MIPEP: variants seen among roughly 807,000 people sequenced by gnomAD.
The protein encoded by MIPEP is mitochondrial intermediate peptidase.
A neutral mutation model predicts 90.3 loss-of-function variants in MIPEP; 79 were observed. The ratio of observed to expected loss-of-function variants is 0.87; its 90% confidence interval spans 0.73 to 1.05. The LOEUF (loss-of-function observed/expected upper bound fraction) is 1.05. MIPEP is among the 50% of genes least tolerant of loss of function. MIPEP has a pLI of 0.00. For missense variants in MIPEP, 940 were observed against 905.6 expected, an observed-to-expected ratio of 1.04 and a Z score of -0.49; for synonymous variants, 334 against 315.8, an observed-to-expected ratio of 1.06 and a Z score of -0.61.
At chr13:23,876,604 T>C (rs1871083519) in intron 4 of MIPEP, among the ~76,000 whole-genome samples, 1 of 152,150 alleles carries the variant, frequency 6.6e-6, no homozygotes, top group African/African-American at 2.4e-5. Context: ...TTTTTGTTCT[T>C]CTTTTTTTAA....
intron 1 of MIPEP, 94 bp downstream of exon 1, chr13:23,889,038 G>A (rs187130451): frequency 1.0e-5 from 12 of 1,195,742 alleles, no homozygotes; most frequent in African/African-American, 9.6e-5. Context: ...CCTCCTCCCA[G>A]GCCCAAACAA....
At chr13:23,752,302 G>A (rs1952450203) in intron 18 of MIPEP, among the ~76,000 whole-genome samples, 1 of 152,198 alleles carries the variant, frequency 6.6e-6, no homozygotes, top group Non-Finnish European at 1.5e-5. Context: ...AACTGCTGAA[G>A]TAATATAGTT....
intron 16 of MIPEP, among the ~76,000 whole-genome samples, chr13:23,782,833 C>T (rs1033927958): frequency 1.8e-4 from 28 of 151,834 alleles, no homozygotes; most frequent in Non-Finnish European, 2.4e-4. Flanking sequence ...AACACCTCTA[C>T]GCAAATAAAC....
At chr13:23,745,386 A>T (rs1243600054) in intron 18 of MIPEP, among the ~76,000 whole-genome samples, 1 of 152,224 alleles carries the variant, frequency 6.6e-6, no homozygotes, top group Admixed American at 6.5e-5. Context: ...TCTTTCAGGA[A>T]ACAGTCCAGT....
chr13:23,754,064 A>C (rs187155783), intron 18 of MIPEP, among the ~76,000 whole-genome samples: 29 of 152,326 alleles, frequency 1.9e-4, no homozygotes, highest in Admixed American at 1.6e-3. Flanking sequence ...AGTTAAACAA[A>C]AATATATAAG....
intron 16 of MIPEP, among the ~76,000 whole-genome samples, chr13:23,801,038 G>C (rs1046360944): frequency 6.6e-6 from 1 of 152,132 alleles, no homozygotes. Context: ...ACCTAAATTT[G>C]TATCAACTCC....
intron 16 of MIPEP, among the ~76,000 whole-genome samples, chr13:23,779,577 G>C (rs1952755832): frequency 6.6e-6 from 1 of 152,110 alleles, no homozygotes; most frequent in Non-Finnish European, 1.5e-5. Context: ...GAGGTACTAG[G>C]ATCATCTCAC....
chr13:23,746,293 C>T (rs1383836684), intron 18 of MIPEP, among the ~76,000 whole-genome samples: 2 of 151,578 alleles, frequency 1.3e-5, no homozygotes, highest in East Asian at 2.0e-4. Flanking sequence ...GGATTATAGG[C>T]ATGAGCCATG....
chr13:23,857,062 A>G (rs1447279026), intron 10 of MIPEP, among the ~76,000 whole-genome samples: 3 of 152,116 alleles, frequency 2.0e-5, no homozygotes, highest in Non-Finnish European at 2.9e-5. Context: ...AATGCTTTAC[A>G]TAAACATGGA....
rs1418569908 is a variant in MIPEP, at chr13:23,874,851, CT to C, written c.597del (p.Glu200LysfsTer16). 5 of 1,587,536 alleles carry C rather than the reference CT, an allele frequency of 3.1e-6. No individual in the cohort carries two copies. Among genetic ancestry groups the C allele is most frequent in the Non-Finnish European group, 4.3e-6 (5 of 1,171,888 alleles). ...DFEISGIHLD[K>X]EKRKRAVDLN... Reference sequence around the variant, plus strand: ...AAAACAGCAGAAAGATGTACCTTTTCTTTGTCTAGATGGATTCCACTAATTT... The same window carrying C: ...AAAACAGCAGAAAGATGTACCTTTTCTTGTCTAGATGGATTCCACTAATTT... On this transcript the variant is annotated frameshift_variant, in exon 5 of 19. Transcript: ENST00000382172. LOFTEE classifies it high-confidence loss of function.
chr13:23,859,133 C>T (rs559178404), intron 9 of MIPEP, among the ~76,000 whole-genome samples: 2 of 152,210 alleles, frequency 1.3e-5, no homozygotes, highest in East Asian at 1.9e-4. Flanking sequence ...AAGACCTACC[C>T]CAGAATCTGG....
chr13:23,788,830 T>C (rs1952873740), intron 16 of MIPEP, among the ~76,000 whole-genome samples: 2 of 152,252 alleles, frequency 1.3e-5, no homozygotes, highest in South Asian at 4.1e-4. Flanking sequence ...AAGGGATATG[T>C]AAACTCTTCA....
At chr13:23,746,186 G>C (rs1263284349) in intron 18 of MIPEP, among the ~76,000 whole-genome samples, 1 of 150,872 alleles carries the variant, frequency 6.6e-6, no homozygotes, top group African/African-American at 2.4e-5. Context: ...GCAAATTTCT[G>C]TATTTTTAGT....
chr13:23,832,635 T>C (rs1012875219), intron 14 of MIPEP, among the ~76,000 whole-genome samples: 4 of 152,126 alleles, frequency 2.6e-5, no homozygotes, highest in Admixed American at 2.6e-4. Context: ...CTACAAGCAC[T>C]GAGAAGAGAA....
intron 16 of MIPEP, among the ~76,000 whole-genome samples, chr13:23,800,103 C>T (rs1490836611): frequency 2.6e-5 from 4 of 152,154 alleles, no homozygotes; most frequent in African/African-American, 9.7e-5. Flanking sequence ...CACAAGCCTA[C>T]CAAATTAGGT....
chr13:23,846,577 A>C (rs901506565), intron 10 of MIPEP, among the ~76,000 whole-genome samples: 3 of 152,198 alleles, frequency 2.0e-5, no homozygotes, highest in Non-Finnish European at 4.4e-5. Context: ...TATTTGTTTC[A>C]TATACACCTT....
chr13:23,819,602 G>A (rs925597516), intron 14 of MIPEP, among the ~76,000 whole-genome samples: 1 of 151,976 alleles, frequency 6.6e-6, no homozygotes, highest in African/African-American at 2.4e-5. Flanking sequence ...AGAAAATTCT[G>A]AATTCCAAAA....
intron 16 of MIPEP, among the ~76,000 whole-genome samples, chr13:23,797,435 T>C (rs1176188308): frequency 6.6e-6 from 1 of 152,156 alleles, no homozygotes; most frequent in South Asian, 2.1e-4. Context: ...CCACCCCTCC[T>C]GTACTCTGTT....
rs147784165 is a variant in MIPEP at position 23,804,904 on chromosome 13, T to G, written c.1848+1046A>C. 3.9e-5 allele frequency among the ~76,000 whole-genome samples: 6 copies of G among 152,310 alleles called. No individual in the cohort carries two copies. In the East Asian group the frequency reaches 9.6e-4, roughly 24 times the overall value. On this transcript the variant is annotated intron_variant, in intron 16 of 18. Coordinates refer to ENST00000382172, the MANE Select transcript of MIPEP (RefSeq NM_005932.4). ...TTAGCTCTCCTTCTGTTAGACCAAC[T>G]AGGCTAGAAGGACATCGACCTGAAC...
Sources: gnomAD v4.1 joint callset for allele counts (sites outside exome capture counted in the v4.1 genomes callset) on GRCh38, gnomAD v4.1.1 for gene constraint, MANE v1.5 for transcripts, NCBI Gene and HGNC (gene_info 2026-07-23, HGNC 2026-07-21) for gene names.